HERC1: variants seen among roughly 807,000 people sequenced by gnomAD.
HERC1 encodes probable E3 ubiquitin-protein ligase HERC1.
A neutral mutation model predicts 554.3 loss-of-function variants in HERC1; 160 were observed. That is an observed-to-expected ratio of 0.29 (90% CI 0.25 to 0.33). The LOEUF (loss-of-function observed/expected upper bound fraction) is 0.33, where lower values mean the gene tolerates loss of function less well. HERC1 is among the 10% of genes least tolerant of loss of function. HERC1 has a pLI of 1.00. For synonymous variants in HERC1, 2,175 were observed against 2,131.7 expected (o/e 1.02, Z -0.56); for missense variants, 4,919 against 5,918.5 (o/e 0.83, Z 5.54).
chr15:63,683,796 C>A (rs1189577440), intron 34 of HERC1, among the ~76,000 whole-genome samples: 1 of 152,210 alleles, frequency 6.6e-6, no homozygotes, highest in African/African-American at 2.4e-5. Context: ...TGTATAGGCA[C>A]ATGCCCCCAT....
At chr15:63,645,432 G>A (rs1369593061) in intron 56 of HERC1, 51 bp downstream of exon 56, 3 of 1,362,428 alleles carry the variant, frequency 2.2e-6, no homozygotes, top group African/African-American at 2.9e-5. Context: ...GCAGATAACA[G>A]TCTATACCAA....
At chr15:63,797,537 T>G (rs2076848872) in intron 1 of HERC1, among the ~76,000 whole-genome samples, 1 of 152,206 alleles carries the variant, frequency 6.6e-6, no homozygotes, top group Non-Finnish European at 1.5e-5. Flanking sequence ...AATCATTTTT[T>G]TTTCCCTGAC....
At position 63,615,789 on chromosome 15, in the gene HERC1, T is replaced by A. The variant is rs988777440; in HGVS notation, c.14073A>T (p.Arg4691=). 1.9e-6 allele frequency: 3 copies of A among 1,598,974 alleles called. No individual in the cohort carries two copies. The highest frequency in any genetic ancestry group is 2.6e-6 in the Non-Finnish European group (3 of 1,175,114). The change falls in exon 76 of 78, where the codon CGA becomes CGT. Residue 4691 remains arginine (R), a synonymous_variant. Coordinates refer to ENST00000443617, the MANE Select transcript of HERC1 (RefSeq NM_003922.4). ...TCACCTGTCTGTCCATCTCATGAAG[T>A]CGATATTCAATGGCCCTCTCCACAT... is the stretch of plus-strand genomic sequence containing the variant. ...KEYVERAIEY[R]LHEMDRQVAA...
rs112377991 is a variant in HERC1 at position 63,687,086 on chromosome 15, T to C, written c.6049-551A>G. ...TGGAAAACCTTGTGTGTCATATTGT[T>C]TGAATTTTACTCTACTGACATTAGG... On this transcript the variant is annotated intron_variant, in intron 33 of 77. Transcript: ENST00000443617. Among the ~76,000 whole-genome samples, 846 of 151,928 alleles carry C rather than the reference T, an allele frequency of 5.6e-3. 6 individuals carry two copies. Among genetic ancestry groups the C allele is most frequent in the African/African-American group, 0.02 (808 of 41,406 alleles).
intron 33 of HERC1, among the ~76,000 whole-genome samples, chr15:63,687,546 A>C (rs1384634208): frequency 6.6e-6 from 1 of 152,180 alleles, no homozygotes; most frequent in East Asian, 1.9e-4. Context: ...TCAAAAAAAA[A>C]AAAGAAAGAA....
rs2071267177 is a variant in HERC1, at chr15:63,677,449, G to C, written c.7070+396C>G. Among the ~76,000 whole-genome samples, 1 of 152,146 alleles carries C rather than the reference G, an allele frequency of 6.6e-6. No individual in the cohort carries two copies. Among genetic ancestry groups the C allele is most frequent in the Admixed American group, 6.5e-5 (1 of 15,278 alleles). ...GTCAAACGTTCATATCCAATATTCA[G>C]AGCCTTGCTACCACAAAATGCAATG... On this transcript the variant is annotated intron_variant, in intron 37 of 77. Coordinates refer to ENST00000443617, the MANE Select transcript of HERC1 (RefSeq NM_003922.4). The surrounding 1 kb of genome is among the most constrained non-coding windows in gnomAD (Gnocchi z 4.4).
At chr15:63,754,260 G>A (rs1433419250) in intron 7 of HERC1, among the ~76,000 whole-genome samples, 2 of 151,424 alleles carry the variant, frequency 1.3e-5, no homozygotes, top group Non-Finnish European at 2.9e-5. Context: ...GGTATACTTT[G>A]GTTTTTAAAA....
chr15:63,733,903 C>T (rs74681872), intron 13 of HERC1, among the ~76,000 whole-genome samples: 3,118 of 152,160 alleles, frequency 0.02, 98 homozygotes, highest in African/African-American at 0.072. Flanking sequence ...GGTCTCATGC[C>T]TATAATCCCA....
At chr15:63,628,078 T>C (rs1379858030) in intron 70 of HERC1, among the ~76,000 whole-genome samples, 1 of 152,172 alleles carries the variant, frequency 6.6e-6, no homozygotes, top group African/African-American at 2.4e-5. Context: ...AAAGCTATAA[T>C]TTGTCATTTC....
chr15:63,739,097 A>G (rs1331058954), intron 12 of HERC1, among the ~76,000 whole-genome samples: 1 of 151,422 alleles, frequency 6.6e-6, no homozygotes, highest in African/African-American at 2.4e-5. Flanking sequence ...CCACTATCCA[A>G]TTTAGAATAT....
rs2068147882 is a variant in HERC1 at position 63,622,907 on chromosome 15, A to G, written c.13612-16T>C. 6.4e-7 allele frequency: 1 copy of G among 1,565,408 alleles called. No homozygotes were observed. The highest frequency in any genetic ancestry group is 1.4e-5 in the African/African-American group (1 of 72,810). ...TTTCAAGTTCCTGCAGAAGAAAGAA[A>G]AAAATTTTTTGAGAAATGACAATCA... On this transcript the variant is annotated splice_polypyrimidine_tract_variant and intron_variant, in intron 73 of 77. Coordinates refer to ENST00000443617, the MANE Select transcript of HERC1 (RefSeq NM_003922.4).
chr15:63,733,022 G>C lies in HERC1; in HGVS notation c.2770C>G (p.Leu924Val), dbSNP rs748596648. ...LSSVCTGYGN[L>V]SDQPYGTQSC... ...TGAGTGCCGTAAGGTTGATCTGACA[G>C]ATTTCCGTAGCCAGTACACACAGAA... Residue 924 changes from leucine to valine, a missense_variant, in exon 14 of 78, where the codon CTG becomes GTG. Coordinates refer to ENST00000443617, the MANE Select transcript of HERC1 (RefSeq NM_003922.4). 1.2e-6 allele frequency: 2 copies of C among 1,613,848 alleles called. No individual in the cohort carries two copies. Among genetic ancestry groups the C allele is most frequent in the African/African-American group, 1.3e-5 (1 of 74,926 alleles).
rs1041302277 is a variant in HERC1 at position 63,677,649 on chromosome 15, C to A, written c.7070+196G>T. Among the ~76,000 whole-genome samples the A allele has an allele frequency of 6.6e-6, 1 of 152,198 alleles. No homozygotes were observed. Among genetic ancestry groups the A allele is most frequent in the Non-Finnish European group, 1.5e-5 (1 of 68,046 alleles). ...AAAGACTATGTATTTTTAAAACCCA[C>A]TAGTATTTCAAAGAACATGGGTTTA... On this transcript the variant is annotated intron_variant, in intron 37 of 77. Coordinates refer to ENST00000443617, the MANE Select transcript of HERC1 (RefSeq NM_003922.4). The surrounding 1 kb of genome is among the most constrained non-coding windows in gnomAD (Gnocchi z 4.4).
rs754970401 is a variant in HERC1, at chr15:63,645,036, C to T, written c.11140G>A (p.Val3714Met). 3.7e-6 allele frequency: 6 copies of T among 1,613,700 alleles called. No homozygotes were observed. The East Asian group carries it at 8.9e-5, about 24-fold the overall frequency. ...RIPQDTTQTNVTSAEGWWEQE... is the reference protein window; with the variant it reads ...RIPQDTTQTNMTSAEGWWEQE... ...TCCCACCATCCTTCTGCACTAGTCA[C>T]ATTGGTCTGTGTAGTATCTTGAGGA... Residue 3714 changes from valine to methionine, a missense_variant, in exon 57 of 78, where the codon GTG (valine) becomes ATG (methionine). Around this residue, in one of 11 missense-constraint regions of HERC1, gnomAD observed 1,963 missense variants for 2,228.6 expected, o/e 0.88. Coordinates refer to ENST00000443617, the MANE Select transcript of HERC1 (RefSeq NM_003922.4).
intron 65 of HERC1, among the ~76,000 whole-genome samples, chr15:63,635,181 G>T (rs1362068651): frequency 6.6e-6 from 1 of 151,968 alleles, no homozygotes; most frequent in Non-Finnish European, 1.5e-5. Flanking sequence ...CCAAGTAGCT[G>T]GGACTACAGG....
chr15:63,688,826 C>T (rs151151600), intron 33 of HERC1, among the ~76,000 whole-genome samples: 3 of 151,926 alleles, frequency 2.0e-5, no homozygotes, highest in Non-Finnish European at 2.9e-5. Flanking sequence ...CAGGAATTTG[C>T]GTTTGGGAAA....
chr15:63,703,037 GA>G (rs2072809628), intron 25 of HERC1, among the ~76,000 whole-genome samples: 1 of 150,754 alleles, frequency 6.6e-6, no homozygotes, highest in Admixed American at 6.6e-5. Context: ...AGGGACCCGT[GA>G]GGAGGAGGTT....
chr15:63,757,932 AC>A (rs1280089396), intron 4 of HERC1, among the ~76,000 whole-genome samples: 2 of 150,700 alleles, frequency 1.3e-5, no homozygotes, highest in African/African-American at 4.9e-5. Context: ...CTGGTCGCGA[AC>A]TCCTGACCTC....
intron 25 of HERC1, among the ~76,000 whole-genome samples, chr15:63,703,695 A>G (rs1400069880): frequency 6.6e-6 from 1 of 152,136 alleles, no homozygotes; most frequent in Non-Finnish European, 1.5e-5. Context: ...GACCAGACTG[A>G]GCAACATGGC....
Sources: allele counts gnomAD v4.1 joint callset (sites outside exome capture counted in the v4.1 genomes callset), GRCh38; gene constraint gnomAD v4.1.1; regional missense constraint gnomAD v4.1.1; non-coding constraint Gnocchi (gnomAD v3.1); transcripts MANE v1.5; gene names NCBI Gene and HGNC (gene_info 2026-07-23, HGNC 2026-07-21).